RPS24: variants seen among roughly 807,000 people sequenced by gnomAD.
RPS24 encodes small ribosomal subunit protein eS24.
For missense variants in RPS24, 100 were observed against 162.5 expected, an observed-to-expected ratio of 0.62 and a Z score of 2.09; for synonymous variants, 72 against 55.6, an observed-to-expected ratio of 1.30 and a Z score of -1.31.
chr10:78,033,957 G>A, intron 1 of RPS24, 53 bp downstream of exon 1: 1 of 1,608,832 alleles, frequency 6.2e-7, no homozygotes, highest in South Asian at 1.1e-5. Flanking sequence ...AGCCATCCGT[G>A]GTCCCTGGGT....
Position 78,037,191 on chromosome 10 carries a change from C to A in RPS24, c.280-3C>A. ...CACCTGGATGTACTCTTTTCTCATT[C>A]AGCATGGCCTGTATGAGAAGAAAAA... On this transcript the variant is annotated splice_polypyrimidine_tract_variant and splice_region_variant and intron_variant, in intron 3 of 5. Coordinates refer to ENST00000372360, the MANE Select transcript of RPS24 (RefSeq NM_033022.4). 1.3e-6 allele frequency: 2 copies of A among 1,598,054 alleles called. No homozygotes were observed.
chr10:78,036,763 A>C (rs1847877715), intron 3 of RPS24, among the ~76,000 whole-genome samples: 1 of 152,172 alleles, frequency 6.6e-6, no homozygotes, highest in South Asian at 2.1e-4. Flanking sequence ...AGGTGGGCAG[A>C]GTGGAGATGA....
At chr10:78,048,112 A>G (rs1305440111) in intron 4 of RPS24, among the ~76,000 whole-genome samples, 1 of 152,196 alleles carries the variant, frequency 6.6e-6, no homozygotes, top group Non-Finnish European at 1.5e-5. Context: ...CTCGGATTGC[A>G]GGGGATCTGT....
chr10:78,040,957 G>A (rs1847978866), downstream of RPS24, among the ~76,000 whole-genome samples: 1 of 152,072 alleles, frequency 6.6e-6, no homozygotes, highest in Non-Finnish European at 1.5e-5. Flanking sequence ...CTTTTGGGAG[G>A]TTTGGGTGGG....
At chr10:78,044,164 G>A (rs1848017912), downstream of RPS24, among the ~76,000 whole-genome samples, 1 of 152,150 alleles carries the variant, frequency 6.6e-6, no homozygotes, top group African/African-American at 2.4e-5. Flanking sequence ...GGGGGTCTAA[G>A]AACGTTTGCC....
chr10:78,037,286 T>C lies in RPS24; in HGVS notation c.372T>C (p.Asn124=), dbSNP rs1344326444. ...MKKVRGTAKA[N]VGAGKK ...AAGTCAGGGGGACTGCAAAGGCCAA[T>C]GTTGGTGCTGGCAAAAAGGTATAGT... Residue 124 remains asparagine (N), a synonymous_variant, in exon 4 of 6, where the codon AAT becomes AAC. Coordinates refer to ENST00000372360, the MANE Select transcript of RPS24 (RefSeq NM_033022.4). 1.9e-6 allele frequency: 3 copies of C among 1,603,692 alleles called. No individual in the cohort carries two copies. Among genetic ancestry groups the C allele is most frequent in the Non-Finnish European group, 2.6e-6 (3 of 1,174,768 alleles).
At chr10:78,047,000 G>A (rs1313503881) in intron 4 of RPS24, among the ~76,000 whole-genome samples, 1 of 150,072 alleles carries the variant, frequency 6.7e-6, no homozygotes, top group African/African-American at 2.5e-5. Flanking sequence ...TTTTTGAGTT[G>A]CCCAGGCTGG....
chr10:78,054,662 G>A lies in RPS24; in HGVS notation c.522G>A (p.Trp174Ter), dbSNP rs1446919038. ...GGCAGGTAGAAGTGCCAGGACCGTG[G>A]AGCGTGTGGACATGTGGCAGATTGC... Residue 174 changes from tryptophan (W) to a stop codon, truncating the protein, a stop_gained, in exon 5 of 5, where the codon TGG becomes TGA. Transcript: ENST00000440692. LOFTEE classifies it low-confidence loss of function (END_TRUNC). 5 of 1,551,622 alleles carry A rather than the reference G, an allele frequency of 3.2e-6. No homozygotes were observed. The highest frequency in any genetic ancestry group is 1.4e-5 in the African/African-American group (1 of 73,054).
chr10:78,046,421 C>T (rs1379080763), intron 4 of RPS24, among the ~76,000 whole-genome samples: 1 of 146,870 alleles, frequency 6.8e-6, no homozygotes, highest in Non-Finnish European at 1.5e-5. Flanking sequence ...ACCAGTGGCG[C>T]AATCTCAGCT....
intron 4 of RPS24, 140 bp from the exon 5 acceptor site, chr10:78,040,064 G>A (rs1261962504): frequency 5.1e-6 from 4 of 783,592 alleles, no homozygotes; most frequent in South Asian, 2.9e-5. Context: ...GTATACAATT[G>A]CAAAGAACAA....
At chr10:78,045,306 A>G (rs1239612058), downstream of RPS24, among the ~76,000 whole-genome samples, 1 of 152,078 alleles carries the variant, frequency 6.6e-6, no homozygotes, top group Admixed American at 6.5e-5. Flanking sequence ...AATAACTCGG[A>G]AAAAGGGACC....
chr10:78,048,201 G>A (rs1382172153), intron 4 of RPS24, among the ~76,000 whole-genome samples: 1 of 152,166 alleles, frequency 6.6e-6, no homozygotes, highest in Admixed American at 6.5e-5. Context: ...TCAGTAAGGT[G>A]GAATCTCTCA....
At chr10:78,052,630 G>T (rs939789404) in intron 4 of RPS24, among the ~76,000 whole-genome samples, 1 of 152,218 alleles carries the variant, frequency 6.6e-6, no homozygotes, top group Non-Finnish European at 1.5e-5. Flanking sequence ...CCTTCTAGGG[G>T]TTATGTTGGA....
At chr10:78,041,897 G>A (rs961522690), downstream of RPS24, among the ~76,000 whole-genome samples, 5 of 152,216 alleles carry the variant, frequency 3.3e-5, no homozygotes, top group African/African-American at 1.2e-4. Context: ...TCAAAGTCAC[G>A]AAGTGGGGAG....
chr10:78,045,374 G>A (rs1441585751), downstream of RPS24, among the ~76,000 whole-genome samples: 2 of 152,184 alleles, frequency 1.3e-5, no homozygotes, highest in East Asian at 3.8e-4. Flanking sequence ...ATCAGCTGGG[G>A]CCATGGATGG....
chr10:78,049,147 G>A (rs997016390), intron 4 of RPS24: 4 of 152,144 alleles, frequency 2.6e-5, no homozygotes, highest in East Asian at 1.9e-4. Flanking sequence ...AGCTTCAGGC[G>A]TCTTCCCCTG....
chr10:78,037,379 T>C lies in RPS24; in HGVS notation c.390+75T>C, dbSNP rs532296615. The C allele has an allele frequency of 3.5e-4, 524 of 1,511,644 alleles. 1 individual carries two copies. The highest frequency in any genetic ancestry group is 8.9e-4 in the African/African-American group (63 of 70,732). 93.6% of individuals were successfully genotyped at this position (1,511,644 alleles called of 1,614,324 possible). ...AGTTTCTAGGAAAGAAGGGATCTTA[T>C]TAATTTTTAAAATAACTTTTCTTAA... On this transcript the variant is annotated intron_variant, in intron 4 of 5. Coordinates refer to ENST00000372360, the MANE Select transcript of RPS24 (RefSeq NM_033022.4).
chr10:78,040,920 C>T (rs1847978289), downstream of RPS24, among the ~76,000 whole-genome samples: 1 of 151,956 alleles, frequency 6.6e-6, no homozygotes, highest in African/African-American at 2.4e-5. Context: ...GCGGTGGACG[C>T]AGTGTAGTGG....
At chr10:78,038,049 G>A in intron 4 of RPS24, 1 of 1,034,282 alleles carries the variant, frequency 9.7e-7, no homozygotes. Flanking sequence ...ATGATGCTTT[G>A]CATGTTGGCC....
Sources: gnomAD v4.1 joint callset for allele counts (sites outside exome capture counted in the v4.1 genomes callset) on GRCh38, gnomAD v4.1.1 for gene constraint, MANE v1.5 for transcripts, NCBI Gene and HGNC (gene_info 2026-07-23, HGNC 2026-07-21) for gene names.